PTPRN2: variants seen among roughly 807,000 people sequenced by gnomAD.
The protein encoded by PTPRN2 is receptor-type tyrosine-protein phosphatase N2.
In PTPRN2, 74 loss-of-function variants were observed where a neutral mutation model predicts 118.8. That is an observed-to-expected ratio of 0.62 (90% confidence interval 0.52 to 0.76). The LOEUF (loss-of-function observed/expected upper bound fraction) is 0.76. Among genes scored for constraint, PTPRN2 ranks in the 30% least tolerant of loss-of-function variants. The pLI, the probability that PTPRN2 is intolerant of heterozygous loss-of-function variation, is 0.00. For missense variants in PTPRN2, 1,481 were observed against 1,394.4 expected, an observed-to-expected ratio of 1.06 and a Z score of -0.99; for synonymous variants, 641 against 608.0, an observed-to-expected ratio of 1.05 and a Z score of -0.80.
At chr7:158,179,220 T>C (rs1316703455) in intron 5 of PTPRN2, among the ~76,000 whole-genome samples, 1 of 152,246 alleles carries the variant, frequency 6.6e-6, no homozygotes, top group Non-Finnish European at 1.5e-5. Flanking sequence ...TGGTGGTATC[T>C]CATTGTGGTT....
intron 9 of PTPRN2, among the ~76,000 whole-genome samples, chr7:158,121,944 G>A (rs117954660): frequency 0.068 from 10,343 of 152,216 alleles, 446 homozygotes; most frequent in South Asian, 0.13. Context: ...CAATGATCAC[G>A]CAGCCATTCC....
intron 1 of PTPRN2, among the ~76,000 whole-genome samples, chr7:158,490,121 C>A (rs1821337622): frequency 6.6e-6 from 1 of 152,298 alleles, no homozygotes; most frequent in Admixed American, 6.5e-5. Flanking sequence ...GAGGCCTCCC[C>A]TGGGCCCGGC....
chr7:157,950,963 T>C (rs564479903), intron 11 of PTPRN2, among the ~76,000 whole-genome samples: 1 of 152,334 alleles, frequency 6.6e-6, no homozygotes, highest in Admixed American at 6.5e-5. Flanking sequence ...AAGGTTTCCA[T>C]TGAGTTTGCT....
chr7:157,986,506 C>A lies in PTPRN2; in HGVS notation c.1724-87769G>T, dbSNP rs77294683. 0.062 allele frequency among the ~76,000 whole-genome samples: 9,505 copies of A among 152,096 alleles called. 402 individuals are homozygous for A. Among genetic ancestry groups the A allele is most frequent in the South Asian group, 0.18 (865 of 4,792 alleles). On this transcript the variant is annotated intron_variant, in intron 11 of 22. Transcript: ENST00000389418. This position sits in a 1 kb window ranked among gnomAD's most constrained non-coding sequence, Gnocchi z 4.5. The stretch of plus-strand genomic sequence containing the variant: ...CCGTCTCCATCTCCCCAAGCACAGG[C>A]CATGCCTGCCTCTCCCAGGTGGCAT...
intron 1 of PTPRN2, among the ~76,000 whole-genome samples, chr7:158,557,908 C>T (rs1262901189): frequency 6.6e-6 from 1 of 152,196 alleles, no homozygotes; most frequent in East Asian, 1.9e-4. Context: ...ATTGATAAAG[C>T]TCTCCTGGTA....
chr7:158,007,820 T>C (rs1805741277), intron 11 of PTPRN2, among the ~76,000 whole-genome samples: 2 of 143,844 alleles, frequency 1.4e-5, no homozygotes, highest in Non-Finnish European at 3.0e-5. Flanking sequence ...TGTGTGGGTA[T>C]ATACATGTGG....
intron 11 of PTPRN2, among the ~76,000 whole-genome samples, chr7:158,009,460 C>T (rs776167463): frequency 2.7e-4 from 41 of 151,748 alleles, no homozygotes; most frequent in Admixed American, 1.8e-3. Context: ...AAGCAGAACC[C>T]GCAAATGAGA....
intron 1 of PTPRN2, among the ~76,000 whole-genome samples, chr7:158,540,521 G>A (rs996901427): frequency 6.6e-6 from 1 of 152,142 alleles, no homozygotes; most frequent in Non-Finnish European, 1.5e-5. Flanking sequence ...CTCCATGGGA[G>A]GAAAGCACAT....
chr7:158,521,136 A>G (rs1008668825), intron 1 of PTPRN2, among the ~76,000 whole-genome samples: 9 of 152,216 alleles, frequency 5.9e-5, no homozygotes, highest in Non-Finnish European at 1.3e-4. Flanking sequence ...GCGTAGTCAT[A>G]CTATAATTTT....
chr7:158,550,032 C>T (rs1207932998), intron 1 of PTPRN2, among the ~76,000 whole-genome samples: 1 of 152,180 alleles, frequency 6.6e-6, no homozygotes, highest in African/African-American at 2.4e-5. Flanking sequence ...GAGAGGTCGG[C>T]GTCAGGAAGG....
In PTPRN2 at chr7:157,764,360, CAT is replaced by C. The variant is rs959618171; in HGVS notation, c.1789-81425_1789-81424del. Among the ~76,000 whole-genome samples, 1 of 152,234 alleles carries C rather than the reference CAT, an allele frequency of 6.6e-6. No homozygotes were observed. The highest frequency in any genetic ancestry group is 2.4e-5 in the African/African-American group (1 of 41,468). On this transcript the variant is annotated intron_variant, in intron 12 of 22. Coordinates refer to ENST00000389418, the MANE Select transcript of PTPRN2 (RefSeq NM_002847.5). The surrounding 1 kb of genome is among the most constrained non-coding windows in gnomAD (Gnocchi z 4.5). ...CACCAATGGAAGAAAAGATAAACATCATGTGGTCCACCCACACATGGGAATAT... is the reference window on the plus strand; with the variant it reads ...CACCAATGGAAGAAAAGATAAACATCGTGGTCCACCCACACATGGGAATAT...
intron 9 of PTPRN2, among the ~76,000 whole-genome samples, chr7:158,132,455 T>A (rs943394695): frequency 3.6e-5 from 3 of 83,092 alleles, no homozygotes; most frequent in African/African-American, 1.9e-4. Flanking sequence ...CACAAACATA[T>A]CGACACAACA....
chr7:158,011,257 A>C (rs1420090248), intron 11 of PTPRN2, among the ~76,000 whole-genome samples: 1 of 152,216 alleles, frequency 6.6e-6, no homozygotes, highest in Non-Finnish European at 1.5e-5. Flanking sequence ...CACAACATAG[A>C]AAGAAGGGGA....
At position 158,566,670 on chromosome 7, in the gene PTPRN2, G is replaced by T. The variant is rs184100417; in HGVS notation, c.112+20888C>A. ...ATTTTTGCTGTTGGCCACCCTTCGC[G>T]GGGTTTGGTAATAAAAGATTGTTAA... On this transcript the variant is annotated intron_variant, in intron 1 of 22. Transcript: ENST00000389418. 1.2e-3 allele frequency among the ~76,000 whole-genome samples: 178 copies of T among 152,300 alleles called. 1 individual carries two copies. The highest frequency in any genetic ancestry group is 4.2e-3 in the African/African-American group (173 of 41,552).
intron 11 of PTPRN2, among the ~76,000 whole-genome samples, chr7:157,905,728 T>A (rs760311561): frequency 6.6e-6 from 1 of 152,234 alleles, no homozygotes; most frequent in Admixed American, 6.5e-5. Flanking sequence ...CAGAAGTCTC[T>A]TCTGTAATCT....
At chr7:158,337,138 G>A (rs1485196154) in intron 2 of PTPRN2, among the ~76,000 whole-genome samples, 197 of 131,348 alleles carry the variant, frequency 1.5e-3, no homozygotes, top group Middle Eastern at 5.3e-3. Flanking sequence ...GTCACTTACA[G>A]CCATACTCTC....
At chr7:157,575,989 C>G (rs898231688) in intron 19 of PTPRN2, among the ~76,000 whole-genome samples, 2 of 152,184 alleles carry the variant, frequency 1.3e-5, no homozygotes, top group African/African-American at 4.8e-5. Flanking sequence ...GTCTTAAATG[C>G]TGCTTTTTTT....
At chr7:158,071,419 T>TGGA (rs1367992312) in intron 11 of PTPRN2, among the ~76,000 whole-genome samples, 1 of 92,772 alleles carries the variant, frequency 1.1e-5, no homozygotes, top group Non-Finnish European at 2.3e-5. Flanking sequence ...TTGCTCCTGG[T>TGGA]GGTGGAGGTG....
chr7:157,955,507 G>A (rs1165371623), intron 11 of PTPRN2, among the ~76,000 whole-genome samples: 1 of 152,146 alleles, frequency 6.6e-6, no homozygotes, highest in Non-Finnish European at 1.5e-5. Flanking sequence ...AAGCACCGCA[G>A]GCCCATCACA....
Sources: allele counts gnomAD v4.1 joint callset (sites outside exome capture counted in the v4.1 genomes callset), GRCh38; gene constraint gnomAD v4.1.1; non-coding constraint Gnocchi (gnomAD v3.1); transcripts MANE v1.5; gene names NCBI Gene and HGNC (gene_info 2026-07-23, HGNC 2026-07-21).